The following CELF4 variants were observed in gnomAD, a reference collection of about 807,000 sequenced individuals.
CELF4 encodes the protein CUG-BP- and ETR-3-like factor 4.
CELF4 carries 18 observed loss-of-function variants against 59.9 expected under a neutral mutation model. That is an observed-to-expected ratio of 0.30 (90% CI 0.21 to 0.45). The LOEUF is 0.45. Among genes scored for constraint, CELF4 ranks in the 20% least tolerant of loss-of-function variants. The probability of loss-of-function intolerance (pLI) is 1.00; values close to 1 mark genes in which losing one functional copy is unlikely to be tolerated. For missense variants in CELF4, 456 were observed against 689.0 expected, an observed-to-expected ratio of 0.66 and a Z score of 3.79; for synonymous variants, 261 against 267.1, an observed-to-expected ratio of 0.98 and a Z score of 0.22.
rs531760500 is a variant in CELF4 at position 37,441,111 on chromosome 18, C to T, written c.369+44414G>A. Among the ~76,000 whole-genome samples the T allele has an allele frequency of 2.0e-5, 3 of 152,312 alleles. No homozygotes were observed. The South Asian group carries it at 6.2e-4, about 32-fold the overall frequency. ...CTGTCTCTCCCCGCTGGACCAGTGA[C>T]TCTGGACATCCACTGAAGGAAGGCT... On this transcript the variant is annotated intron_variant, in intron 2 of 12. Transcript: ENST00000420428.
intron 1 of CELF4, among the ~76,000 whole-genome samples, chr18:37,491,820 G>A (rs1224861689): frequency 6.6e-6 from 1 of 152,204 alleles, no homozygotes; most frequent in East Asian, 1.9e-4. Flanking sequence ...GGCCAAGAAG[G>A]TGGGCGGTGC....
chr18:37,333,869 A>T (rs936988526), intron 2 of CELF4, among the ~76,000 whole-genome samples: 1 of 151,862 alleles, frequency 6.6e-6, no homozygotes, highest in Non-Finnish European at 1.5e-5. Context: ...GCCCTGTTCT[A>T]TAGAATTGGA....
At chr18:37,489,293 C>T (rs759993879) in intron 1 of CELF4, among the ~76,000 whole-genome samples, 22 of 152,226 alleles carry the variant, frequency 1.4e-4, no homozygotes, top group African/African-American at 5.1e-4. Context: ...AAAGAAGGGA[C>T]CAGTCTGCTC....
At chr18:37,455,855 G>T (rs2099776644) in intron 2 of CELF4, among the ~76,000 whole-genome samples, 1 of 152,178 alleles carries the variant, frequency 6.6e-6, no homozygotes, top group Non-Finnish European at 1.5e-5. Context: ...TGATGCCACT[G>T]AGGGCCAGAG....
At chr18:37,333,181 C>G (rs2097613050) in intron 2 of CELF4, among the ~76,000 whole-genome samples, 1 of 149,222 alleles carries the variant, frequency 6.7e-6, no homozygotes, top group South Asian at 2.1e-4. Flanking sequence ...GGGCTGTTAA[C>G]TTAACCTCTG....
intron 9 of CELF4, chr18:37,266,156 G>C (rs1437755299): frequency 1.1e-5 from 4 of 373,356 alleles, no homozygotes; most frequent in Non-Finnish European, 2.0e-5. Flanking sequence ...TGTGGCCCAT[G>C]GTGGGCAGCA....
rs576863466 is a variant in CELF4, at chr18:37,275,574, T to C, written c.449-331A>G. On this transcript the variant is annotated intron_variant, in intron 3 of 12. Coordinates refer to ENST00000420428, the MANE Select transcript of CELF4 (RefSeq NM_020180.4). ...ACCCTGAGGAGCAGAGACCCTGGGC[T>C]GACCCCTCACTAGAGCACACGGGCA... 14 of 339,522 alleles carry C rather than the reference T, an allele frequency of 4.1e-5. 1 individual carries two copies. Among genetic ancestry groups the C allele is most frequent in the South Asian group, 4.1e-4 (14 of 34,558 alleles). 21.0% of individuals were successfully genotyped at this position (339,522 alleles called of 1,614,324 possible). A position where few individuals can be genotyped will look rare whatever the true frequency, so the allele number is the denominator to read the frequency against.
intron 1 of CELF4, among the ~76,000 whole-genome samples, chr18:37,507,678 C>G (rs2099939620): frequency 6.6e-6 from 1 of 152,204 alleles, no homozygotes; most frequent in South Asian, 2.1e-4. Flanking sequence ...AGAGAGCAGA[C>G]CTGGGTTTAT....
chr18:37,544,854 G>A (rs2099980300), intron 1 of CELF4, among the ~76,000 whole-genome samples: 1 of 152,190 alleles, frequency 6.6e-6, no homozygotes, highest in Non-Finnish European at 1.5e-5. Flanking sequence ...GGATACTCAG[G>A]AGGGTGTCTG....
chr18:37,381,145 TCCATCCATCCA>T (rs2099035778), intron 2 of CELF4, among the ~76,000 whole-genome samples: 1 of 151,092 alleles, frequency 6.6e-6, no homozygotes, highest in Non-Finnish European at 1.5e-5. Flanking sequence ...CATCCATCCA[TCCATCCATCCA>T]CCTACCATTC....
chr18:37,353,332 T>G (rs1483098437), intron 2 of CELF4, among the ~76,000 whole-genome samples: 3 of 151,228 alleles, frequency 2.0e-5, no homozygotes, highest in Non-Finnish European at 4.4e-5. Context: ...AACTTTCCAG[T>G]GAGGCCAGAT....
chr18:37,404,664 G>A (rs541365553), intron 2 of CELF4, among the ~76,000 whole-genome samples: 2 of 152,260 alleles, frequency 1.3e-5, no homozygotes, highest in African/African-American at 4.8e-5. Flanking sequence ...TGGGGAGCTC[G>A]GCTCACAGAG....
At chr18:37,266,654 C>T in intron 8 of CELF4, 56 bp from the exon 9 acceptor site, 1 of 1,400,912 alleles carries the variant, frequency 7.1e-7, no homozygotes, top group African/African-American at 1.4e-5. Context: ...GGCCCTTCCC[C>T]TCATGCCCAT....
rs145212313 is a variant in CELF4, at chr18:37,286,291, G to A, written c.449-11048C>T. Among the ~76,000 whole-genome samples the A allele has an allele frequency of 1.6e-4, 24 of 152,312 alleles. No homozygotes were observed. The East Asian group carries it at 2.3e-3, about 15-fold the overall frequency. On this transcript the variant is annotated intron_variant, in intron 3 of 12. Transcript: ENST00000420428. The stretch of plus-strand genomic sequence containing the variant: ...TGTTTGTCTCTATTAACCATGGAGC[G>A]GGGGCTCGTTAGCTGGGCGCAGAGC...
chr18:37,421,118 C>T (rs568737554), intron 2 of CELF4, among the ~76,000 whole-genome samples: 21 of 152,328 alleles, frequency 1.4e-4, no homozygotes, highest in African/African-American at 3.1e-4. Flanking sequence ...CATCCCTCTC[C>T]GGGCATAGGC....
At chr18:37,407,124 G>T (rs1222548387) in intron 2 of CELF4, among the ~76,000 whole-genome samples, 2 of 152,240 alleles carry the variant, frequency 1.3e-5, no homozygotes, top group Non-Finnish European at 2.9e-5. Flanking sequence ...TTACATCTTT[G>T]TGCCTCACTT....
At chr18:37,493,227 C>G (rs1303935716) in intron 1 of CELF4, among the ~76,000 whole-genome samples, 1 of 152,208 alleles carries the variant, frequency 6.6e-6, no homozygotes, top group East Asian at 1.9e-4. Flanking sequence ...CATGCCTCAC[C>G]CCTTTAGAGC....
chr18:37,498,385 A>G (rs1278487555), intron 1 of CELF4, among the ~76,000 whole-genome samples: 1 of 80,868 alleles, frequency 1.2e-5, no homozygotes, highest in East Asian at 4.4e-4. Context: ...CCTCCTTTCC[A>G]TCATCTCCCC....
intron 2 of CELF4, among the ~76,000 whole-genome samples, chr18:37,467,508 C>T (rs548606015): frequency 6.6e-6 from 1 of 152,082 alleles, no homozygotes; most frequent in South Asian, 2.1e-4. Flanking sequence ...TCAATGGCCA[C>T]GTGGACCAGG....
Sources: gnomAD v4.1 joint callset for allele counts (sites outside exome capture counted in the v4.1 genomes callset) on GRCh38, gnomAD v4.1.1 for gene constraint, MANE v1.5 for transcripts, NCBI Gene and HGNC (gene_info 2026-07-23, HGNC 2026-07-21) for gene names.